MAML3: variants seen among roughly 807,000 people sequenced by gnomAD.
MAML3 encodes mastermind like transcriptional coactivator 3.
MAML3 carries 27 observed loss-of-function variants against 101.9 expected under a neutral mutation model. The observed-to-expected ratio is 0.27, with a 90% CI of 0.20 to 0.37. MAML3 has a LOEUF of 0.37. MAML3 is among the 10% of genes least tolerant of loss of function. The pLI is 1.00. For missense variants in MAML3, 1,316 were observed against 1,444.9 expected (o/e 0.91, Z 1.45); for synonymous variants, 501 against 555.9 (o/e 0.90, Z 1.39).
chr4:139,884,560 C>T (rs985623541), intron 2 of MAML3, among the ~76,000 whole-genome samples: 24 of 152,206 alleles, frequency 1.6e-4, no homozygotes, highest in African/African-American at 5.8e-4. Flanking sequence ...TGTGACCGTC[C>T]TTGACCAGCA....
chr4:140,024,508 G>A (rs913827226), intron 1 of MAML3, among the ~76,000 whole-genome samples: 1 of 152,066 alleles, frequency 6.6e-6, no homozygotes, highest in Non-Finnish European at 1.5e-5. Context: ...GATTACAAGC[G>A]TGTGCTGGGA....
intron 2 of MAML3, among the ~76,000 whole-genome samples, chr4:139,807,814 C>T (rs552717863): frequency 1.3e-5 from 2 of 152,322 alleles, no homozygotes; most frequent in Non-Finnish European, 2.9e-5. Flanking sequence ...ATAGCCCATA[C>T]ATGATACACT....
intron 2 of MAML3, among the ~76,000 whole-genome samples, chr4:139,856,384 C>T (rs1309857723): frequency 1.3e-5 from 2 of 152,168 alleles, no homozygotes; most frequent in Non-Finnish European, 2.9e-5. Context: ...AAAAGGAGAA[C>T]TACAAGGACC....
At chr4:139,800,307 T>C (rs1730582016) in intron 2 of MAML3, among the ~76,000 whole-genome samples, 1 of 152,194 alleles carries the variant, frequency 6.6e-6, no homozygotes, top group African/African-American at 2.4e-5. Context: ...CCCGTCTTCC[T>C]TAAGAAGGCA....
chr4:139,831,288 T>C (rs1206431066), intron 2 of MAML3, among the ~76,000 whole-genome samples: 1 of 152,240 alleles, frequency 6.6e-6, no homozygotes, highest in Non-Finnish European at 1.5e-5. Context: ...TTTAAACTTT[T>C]AATGATTTTT....
chr4:139,872,591 G>A (rs1560820364), intron 2 of MAML3, among the ~76,000 whole-genome samples: 1 of 152,186 alleles, frequency 6.6e-6, no homozygotes, highest in Non-Finnish European at 1.5e-5. Context: ...GAACTCAGGG[G>A]TGCACACAGA....
intron 2 of MAML3, among the ~76,000 whole-genome samples, chr4:139,736,195 C>T (rs1728939063): frequency 6.6e-6 from 1 of 152,130 alleles, no homozygotes; most frequent in African/African-American, 2.4e-5. Context: ...AATCTTTAGC[C>T]CAACTGGGAT....
At chr4:140,051,509 A>G (rs888178412) in intron 1 of MAML3, among the ~76,000 whole-genome samples, 1 of 151,936 alleles carries the variant, frequency 6.6e-6, no homozygotes, top group Non-Finnish European at 1.5e-5. Flanking sequence ...GTGAGCCGAA[A>G]TCGAGCTACT....
intron 2 of MAML3, among the ~76,000 whole-genome samples, chr4:139,764,300 G>A (rs959291531): frequency 2.6e-5 from 4 of 152,050 alleles, no homozygotes; most frequent in Admixed American, 6.6e-5. Flanking sequence ...GCAACTCCAC[G>A]CCCTGCTCAC....
At chr4:139,885,628 C>CA (rs927890825) in intron 2 of MAML3, among the ~76,000 whole-genome samples, 11 of 142,976 alleles carry the variant, frequency 7.7e-5, no homozygotes, top group East Asian at 2.1e-4. Flanking sequence ...GGTTTTAAAA[C>CA]AAAAAAAAAA....
intron 1 of MAML3, among the ~76,000 whole-genome samples, chr4:140,114,853 A>G (rs1287610157): frequency 6.6e-6 from 1 of 152,248 alleles, no homozygotes; most frequent in Non-Finnish European, 1.5e-5. Context: ...CCATAATACC[A>G]TTATCACATC....
At chr4:140,026,104 C>A (rs887730508) in intron 1 of MAML3, among the ~76,000 whole-genome samples, 5 of 152,042 alleles carry the variant, frequency 3.3e-5, no homozygotes, top group Non-Finnish European at 7.3e-5. Flanking sequence ...TGATTAGGAA[C>A]CTCGATTTTT....
chr4:139,814,385 A>C (rs561955136), intron 2 of MAML3, among the ~76,000 whole-genome samples: 5 of 152,196 alleles, frequency 3.3e-5, no homozygotes, highest in Non-Finnish European at 7.3e-5. Flanking sequence ...AGCTGGCTAA[A>C]GATACTGACT....
intron 1 of MAML3, among the ~76,000 whole-genome samples, chr4:139,999,672 T>A (rs1734884068): frequency 6.6e-6 from 1 of 152,244 alleles, no homozygotes. Context: ...ATTATTGACA[T>A]CCCATCCAAT....
intron 1 of MAML3, among the ~76,000 whole-genome samples, chr4:139,912,032 T>G (rs1395457356): frequency 2.0e-5 from 3 of 152,268 alleles, no homozygotes; most frequent in African/African-American, 7.2e-5. Flanking sequence ...AAATATCTCT[T>G]GTAGACCCTG....
At chr4:139,903,481 TCTAGGGATACACAAAGGTGGTAAATAC>T (rs566418064) in intron 1 of MAML3, among the ~76,000 whole-genome samples, 2 of 152,328 alleles carry the variant, frequency 1.3e-5, no homozygotes, top group South Asian at 4.1e-4. Flanking sequence ...CTACGTCCAG[TCTAGGGATACACAAAGGTGGTAAATAC>T]CTATGAAGCC....
At chr4:139,836,113 G>C (rs192720709) in intron 2 of MAML3, among the ~76,000 whole-genome samples, 147 of 152,316 alleles carry the variant, frequency 9.7e-4, no homozygotes, top group African/African-American at 3.4e-3. Context: ...TGAAATGCCA[G>C]TAAGAAGATA....
At chr4:140,000,565 C>G (rs1734904375) in intron 1 of MAML3, among the ~76,000 whole-genome samples, 1 of 152,172 alleles carries the variant, frequency 6.6e-6, no homozygotes, top group South Asian at 2.1e-4. Flanking sequence ...CCTCTACTTA[C>G]ATCAAAACCA....
At chr4:139,847,131 T>A (rs1436695140) in intron 2 of MAML3, among the ~76,000 whole-genome samples, 1 of 152,238 alleles carries the variant, frequency 6.6e-6, no homozygotes, top group Non-Finnish European at 1.5e-5. Flanking sequence ...TTTCCTTTCT[T>A]CTTCCTTTCT....
Sources: gnomAD v4.1 joint callset for allele counts (sites outside exome capture counted in the v4.1 genomes callset) on GRCh38, gnomAD v4.1.1 for gene constraint, MANE v1.5 for transcripts, NCBI Gene and HGNC (gene_info 2026-07-23, HGNC 2026-07-21) for gene names.